The following FHIT variants were observed in gnomAD, a reference collection of about 807,000 sequenced individuals.
The protein encoded by FHIT is bis(5'-adenosyl)-triphosphatase.
FHIT carries 19 observed loss-of-function variants against 17.9 expected under a neutral mutation model. The ratio of observed to expected loss-of-function variants is 1.06; its 90% CI spans 0.74 to 1.56. FHIT has a LOEUF of 1.56. Among genes scored for constraint, FHIT ranks in the 40% most tolerant of loss-of-function variants. The pLI, the probability that FHIT is intolerant of heterozygous loss-of-function variation, is 0.00. For synonymous variants in FHIT, 81 were observed against 69.7 expected, an observed-to-expected ratio of 1.16 and a Z score of -0.81; for missense variants, 248 against 189.2, an observed-to-expected ratio of 1.31 and a Z score of -1.82.
chr3:61,031,482 G>A (rs1200134271), intron 3 of FHIT, among the ~76,000 whole-genome samples: 1 of 142,170 alleles, frequency 7.0e-6, no homozygotes, highest in African/African-American at 2.7e-5. Flanking sequence ...GAGAGAAAGA[G>A]ATGAAAATCT....
chr3:59,892,466 C>T (rs1192871766), intron 8 of FHIT, among the ~76,000 whole-genome samples: 1 of 152,170 alleles, frequency 6.6e-6, no homozygotes, highest in Non-Finnish European at 1.5e-5. Context: ...TTATTTTGGT[C>T]ATTAACAATC....
chr3:60,035,101 C>T (rs1478773008), intron 5 of FHIT, among the ~76,000 whole-genome samples: 1 of 152,184 alleles, frequency 6.6e-6, no homozygotes, highest in Non-Finnish European at 1.5e-5. Flanking sequence ...AAGCCATCTG[C>T]TTATGACGGG....
chr3:61,027,828 T>G (rs1292583576), intron 3 of FHIT, among the ~76,000 whole-genome samples: 1 of 152,060 alleles, frequency 6.6e-6, no homozygotes. Flanking sequence ...CAATCAAGAG[T>G]AGTGATTATT....
chr3:60,559,866 T>C (rs188022844), intron 4 of FHIT, among the ~76,000 whole-genome samples: 6 of 152,202 alleles, frequency 3.9e-5, no homozygotes, highest in Admixed American at 2.6e-4. Flanking sequence ...TGCTAAGATG[T>C]TGGAGTCTTC....
chr3:61,240,725 G>A (rs1041699799), intron 1 of FHIT, among the ~76,000 whole-genome samples: 1 of 152,156 alleles, frequency 6.6e-6, no homozygotes, highest in Non-Finnish European at 1.5e-5. Context: ...GGAAATTTAT[G>A]TAGCCAATTA....
intron 4 of FHIT, among the ~76,000 whole-genome samples, chr3:60,647,177 C>T (rs1453721575): frequency 6.6e-6 from 1 of 152,200 alleles, no homozygotes; most frequent in Non-Finnish European, 1.5e-5. Context: ...AGAGAGTCTA[C>T]TCTCTTTACT....
intron 5 of FHIT, among the ~76,000 whole-genome samples, chr3:60,087,512 C>T (rs1038831560): frequency 6.6e-6 from 1 of 152,168 alleles, no homozygotes; most frequent in Non-Finnish European, 1.5e-5. Flanking sequence ...ACCTTTAGAT[C>T]TTTCCTTTGC....
chr3:60,683,897 G>A (rs943709334), intron 4 of FHIT, among the ~76,000 whole-genome samples: 2 of 152,080 alleles, frequency 1.3e-5, no homozygotes, highest in Non-Finnish European at 2.9e-5. Context: ...CATCAAACAA[G>A]GGGTGTCTAT....
intron 3 of FHIT, among the ~76,000 whole-genome samples, chr3:61,025,972 A>T (rs2032711553): frequency 6.6e-6 from 1 of 152,178 alleles, no homozygotes; most frequent in Non-Finnish European, 1.5e-5. Context: ...TATTATTTTC[A>T]TTTTATATGT....
At chr3:60,672,906 T>TGTGTGTGTGTGTGTGTGTGTGC (rs1454491586) in intron 4 of FHIT, among the ~76,000 whole-genome samples, 1 of 151,462 alleles carries the variant, frequency 6.6e-6, no homozygotes, top group African/African-American at 2.4e-5. Context: ...TGTGTGTGTG[T>TGTGTGTGTGTGTGTGTGTGTGC]GCATGCATGC....
At chr3:61,221,436 A>G (rs1024651278) in intron 1 of FHIT, among the ~76,000 whole-genome samples, 1 of 152,238 alleles carries the variant, frequency 6.6e-6, no homozygotes, top group Admixed American at 6.5e-5. Flanking sequence ...GGAAGGCAAA[A>G]CCAGATATTC....
At chr3:60,873,935 C>A (rs1704530812) in intron 3 of FHIT, among the ~76,000 whole-genome samples, 2 of 152,242 alleles carry the variant, frequency 1.3e-5, no homozygotes, top group South Asian at 4.1e-4. Context: ...TGAAATTTGT[C>A]ACTCCTAAGC....
intron 5 of FHIT, among the ~76,000 whole-genome samples, chr3:60,379,936 TA>T (rs1700729846): frequency 6.6e-6 from 1 of 152,234 alleles, no homozygotes; most frequent in Non-Finnish European, 1.5e-5. Flanking sequence ...CAATTTTGTT[TA>T]ACATATAACC....
In FHIT at chr3:60,983,179, C is replaced by T. The variant is rs28680515; in HGVS notation, c.-111+58868G>A. Reference sequence around the variant, plus strand: ...TGTGTGTGTGTAATGCACACACTTACTAAGATGTTGGCTTAGCCCAGAGTC... The same window carrying T: ...TGTGTGTGTGTAATGCACACACTTATTAAGATGTTGGCTTAGCCCAGAGTC... On this transcript the variant is annotated intron_variant, in intron 3 of 9. Coordinates refer to ENST00000492590, the MANE Select transcript of FHIT (RefSeq NM_002012.4). Among the ~76,000 whole-genome samples the T allele has an allele frequency of 2.3e-3, 348 of 151,648 alleles. 1 individual carries two copies. In the Middle Eastern group the frequency reaches 0.024, roughly 10 times the overall value.
At position 60,899,287 on chromosome 3, in the gene FHIT, T is replaced by A. The variant is rs145807914; in HGVS notation, c.-110-77276A>T. Among the ~76,000 whole-genome samples the A allele has an allele frequency of 2.8e-3, 425 of 152,322 alleles. 1 individual carries two copies. The highest frequency in any genetic ancestry group is 0.01 in the Middle Eastern group (3 of 294). ...ATTGCAATGTTTTCCTCGGAGTTGA[T>A]CACATTTGCATATCTTTTTACACTT... On this transcript the variant is annotated intron_variant, in intron 3 of 9. Coordinates refer to ENST00000492590, the MANE Select transcript of FHIT (RefSeq NM_002012.4).
intron 8 of FHIT, among the ~76,000 whole-genome samples, chr3:59,802,641 C>G (rs147851484): frequency 2.0e-5 from 3 of 152,052 alleles, no homozygotes; most frequent in African/African-American, 7.2e-5. Flanking sequence ...CCTTGACTCT[C>G]TTTTTGGACT....
intron 4 of FHIT, among the ~76,000 whole-genome samples, chr3:60,710,964 T>G (rs1184673201): frequency 6.6e-6 from 1 of 152,240 alleles, no homozygotes. Flanking sequence ...ATGGGCAGAC[T>G]GCCTCCTCAA....
At chr3:61,138,971 C>T (rs568004053) in intron 2 of FHIT, among the ~76,000 whole-genome samples, 2 of 151,846 alleles carry the variant, frequency 1.3e-5, no homozygotes, top group East Asian at 3.9e-4. Flanking sequence ...AAAGAAGAAC[C>T]ACAGCTGTGG....
At chr3:60,980,612 C>T (rs1368827848) in intron 3 of FHIT, among the ~76,000 whole-genome samples, 1 of 152,182 alleles carries the variant, frequency 6.6e-6, no homozygotes, top group Non-Finnish European at 1.5e-5. Context: ...TCAGACCACT[C>T]CCACTCATTT....
Sources: allele counts gnomAD v4.1 joint callset (sites outside exome capture counted in the v4.1 genomes callset), GRCh38; gene constraint gnomAD v4.1.1; transcripts MANE v1.5; gene names NCBI Gene and HGNC (gene_info 2026-07-23, HGNC 2026-07-21).